The following NKAIN2 variants were observed in gnomAD, a reference collection of about 807,000 sequenced individuals.
NKAIN2 encodes the protein sodium/potassium-transporting ATPase subunit beta-1-interacting protein 2.
Under a neutral mutation model 32.6 loss-of-function variants are expected in NKAIN2, and 14 were observed. That is an observed-to-expected ratio of 0.43 (90% CI 0.28 to 0.67). The LOEUF (loss-of-function observed/expected upper bound fraction) is 0.67, where lower values mean the gene tolerates loss of function less well. Among genes scored for constraint, NKAIN2 ranks in the 30% least tolerant of loss-of-function variants. NKAIN2 has a pLI of 0.17. For missense variants in NKAIN2, 198 were observed against 258.3 expected (o/e 0.77, Z 1.60); for synonymous variants, 80 against 87.2 (o/e 0.92, Z 0.46).
At chr6:124,764,981 TTAAC>T (rs1466448691) in intron 4 of NKAIN2, among the ~76,000 whole-genome samples, 4 of 152,210 alleles carry the variant, frequency 2.6e-5, no homozygotes, top group South Asian at 2.1e-4. Flanking sequence ...GGTGAGTTCT[TTAAC>T]TAAGTTCCAC....
At chr6:124,302,774 A>C (rs1796342381) in intron 2 of NKAIN2, among the ~76,000 whole-genome samples, 1 of 152,218 alleles carries the variant, frequency 6.6e-6, no homozygotes, top group Non-Finnish European at 1.5e-5. Context: ...ACTTAGAAGA[A>C]ACATCCATGT....
chr6:124,631,857 A>G (rs1209216400), intron 3 of NKAIN2, among the ~76,000 whole-genome samples: 2 of 152,180 alleles, frequency 1.3e-5, no homozygotes, highest in Non-Finnish European at 2.9e-5. Context: ...ACACAGAGTC[A>G]GGATGTAGTT....
chr6:124,274,910 A>G (rs764656131), intron 1 of NKAIN2, among the ~76,000 whole-genome samples: 91 of 152,262 alleles, frequency 6.0e-4, no homozygotes, highest in Non-Finnish European at 1.0e-3. Context: ...TCACATACAC[A>G]TTTATAAAAC....
intron 4 of NKAIN2, among the ~76,000 whole-genome samples, chr6:124,736,001 G>A (rs2114676557): frequency 6.6e-6 from 1 of 151,968 alleles, no homozygotes; most frequent in East Asian, 1.9e-4. Flanking sequence ...CAGCTTAGTG[G>A]AGGAAGAAGG....
chr6:123,843,707 G>T (rs902993215), intron 1 of NKAIN2, among the ~76,000 whole-genome samples: 4 of 152,060 alleles, frequency 2.6e-5, no homozygotes, highest in African/African-American at 7.2e-5. Flanking sequence ...TAAGATTATT[G>T]AAACTTATAT....
In NKAIN2 at chr6:124,044,177, A is replaced by G. The variant is rs1782012961; in HGVS notation, c.55-238828A>G. Among the ~76,000 whole-genome samples, 5 of 152,074 alleles carry G rather than the reference A, an allele frequency of 3.3e-5. No individual in the cohort carries two copies. The South Asian group carries it at 1.0e-3, about 31-fold the overall frequency. ...CTCTAGGACTTCTCCACTCACCATT[A>G]TTATGTAGTAGGATTTTATAAGATG... is the stretch of plus-strand genomic sequence containing the variant. On this transcript the variant is annotated intron_variant, in intron 1 of 6. Coordinates refer to ENST00000368417, the MANE Select transcript of NKAIN2 (RefSeq NM_001040214.3).
intron 1 of NKAIN2, among the ~76,000 whole-genome samples, chr6:124,124,203 A>G (rs1786036750): frequency 6.6e-6 from 1 of 152,124 alleles, no homozygotes; most frequent in Admixed American, 6.6e-5. Context: ...AAGATGTTTT[A>G]TTTTTGTTTA....
intron 1 of NKAIN2, among the ~76,000 whole-genome samples, chr6:124,066,788 T>C (rs955735127): frequency 6.6e-6 from 1 of 152,134 alleles, no homozygotes; most frequent in Admixed American, 6.6e-5. Flanking sequence ...ATCCTTTTAG[T>C]GCAGAGCATA....
At chr6:124,682,361 T>C in intron 4 of NKAIN2, among the ~76,000 whole-genome samples, 1 of 152,120 alleles carries the variant, frequency 6.6e-6, no homozygotes, top group East Asian at 1.9e-4. Flanking sequence ...GCTGGCACTA[T>C]ATAATTGAAA....
chr6:124,217,241 G>A (rs900839979), intron 1 of NKAIN2, among the ~76,000 whole-genome samples: 5 of 152,082 alleles, frequency 3.3e-5, no homozygotes, highest in African/African-American at 9.7e-5. Context: ...GAAGAGTGAG[G>A]TAGGAAAGTG....
chr6:124,286,049 TATAAA>T (rs1482047772), intron 2 of NKAIN2, among the ~76,000 whole-genome samples: 4 of 152,246 alleles, frequency 2.6e-5, no homozygotes, highest in Admixed American at 1.3e-4. Flanking sequence ...TGACATAAAA[TATAAA>T]ATAATTTGAT....
At chr6:124,571,840 A>G (rs1781139279) in intron 3 of NKAIN2, among the ~76,000 whole-genome samples, 1 of 152,068 alleles carries the variant, frequency 6.6e-6, no homozygotes, top group South Asian at 2.1e-4. Context: ...TGTATTTTTA[A>G]TCTAGAACAA....
chr6:124,759,653 A>AC (rs1778159022), intron 4 of NKAIN2, among the ~76,000 whole-genome samples: 1 of 66,140 alleles, frequency 1.5e-5, no homozygotes, highest in African/African-American at 4.8e-5. Context: ...ACACACACAC[A>AC]CACCCCCTAT....
chr6:124,445,106 A>C (rs909674053), intron 3 of NKAIN2, among the ~76,000 whole-genome samples: 1 of 152,066 alleles, frequency 6.6e-6, no homozygotes, highest in Non-Finnish European at 1.5e-5. Flanking sequence ...GATGTCTTTA[A>C]GTTTAAAAAG....
chr6:124,554,891 G>A (rs9491190), intron 3 of NKAIN2, among the ~76,000 whole-genome samples: 4,938 of 152,274 alleles, frequency 0.032, 256 homozygotes, highest in African/African-American at 0.11. Context: ...CAAGGCTGAA[G>A]TGTGGCCTTT....
intron 5 of NKAIN2, among the ~76,000 whole-genome samples, chr6:124,801,499 T>C (rs1780253785): frequency 6.6e-6 from 1 of 152,204 alleles, no homozygotes; most frequent in African/African-American, 2.4e-5. Context: ...AGATTCGAAG[T>C]ATACTTTCCA....
At chr6:124,465,817 T>C (rs1352190650) in intron 3 of NKAIN2, among the ~76,000 whole-genome samples, 1 of 151,982 alleles carries the variant, frequency 6.6e-6, no homozygotes, top group African/African-American at 2.4e-5. Flanking sequence ...AAAATAATAA[T>C]ATATTGCATC....
intron 3 of NKAIN2, among the ~76,000 whole-genome samples, chr6:124,407,822 A>G (rs944859141): frequency 3.5e-4 from 52 of 150,652 alleles, no homozygotes; most frequent in African/African-American, 1.2e-3. Context: ...ACAGTGTAAA[A>G]GTGTTCCTAT....
intron 1 of NKAIN2, among the ~76,000 whole-genome samples, chr6:124,249,335 T>G (rs1279867035): frequency 3.3e-5 from 5 of 152,076 alleles, no homozygotes; most frequent in Admixed American, 6.6e-5. Flanking sequence ...TTATAACGAA[T>G]CAAAGGATAT....
Sources: gnomAD v4.1 joint callset for allele counts (sites outside exome capture counted in the v4.1 genomes callset) on GRCh38, gnomAD v4.1.1 for gene constraint, MANE v1.5 for transcripts, NCBI Gene and HGNC (gene_info 2026-07-23, HGNC 2026-07-21) for gene names.